SOAT1: variants seen among roughly 807,000 people sequenced by gnomAD.
SOAT1 encodes sterol O-acyltransferase 1.
In SOAT1, 55 loss-of-function variants were observed where a neutral mutation model predicts 69.5. The ratio of observed to expected loss-of-function variants is 0.79; its 90% CI spans 0.64 to 0.99. The LOEUF (loss-of-function observed/expected upper bound fraction) is 0.99, where lower values mean the gene tolerates loss of function less well. SOAT1 is among the 50% of genes least tolerant of loss of function. The pLI is 0.00. For missense variants in SOAT1, 580 were observed against 669.3 expected, an observed-to-expected ratio of 0.87 and a Z score of 1.47; for synonymous variants, 231 against 224.7, an observed-to-expected ratio of 1.03 and a Z score of -0.25.
At chr1:179,330,589 A>C (rs1173638727) in intron 3 of SOAT1, among the ~76,000 whole-genome samples, 8 of 152,180 alleles carry the variant, frequency 5.3e-5, no homozygotes, top group Non-Finnish European at 1.2e-4. Flanking sequence ...GACTATTTAC[A>C]TCAAAGTTGA....
chr1:179,307,658 G>GACCT (rs757647192), intron 2 of SOAT1, among the ~76,000 whole-genome samples: 4 of 152,124 alleles, frequency 2.6e-5, no homozygotes, highest in Non-Finnish European at 5.9e-5. Context: ...ATTGACTGAT[G>GACCT]ACCTACCTGT....
intron 1 of SOAT1, among the ~76,000 whole-genome samples, chr1:179,302,415 C>G (rs963160873): frequency 2.6e-5 from 4 of 152,094 alleles, no homozygotes; most frequent in African/African-American, 9.7e-5. Flanking sequence ...CCATGCTGTT[C>G]TCGTGATAGT....
rs75314642 is a variant in SOAT1, at chr1:179,324,703, G to T, written c.177+1208G>T. On this transcript the variant is annotated intron_variant, in intron 3 of 15. Coordinates refer to ENST00000367619, the MANE Select transcript of SOAT1 (RefSeq NM_003101.6). ...AGTGCTTTGTTTCTCCATCATAAGA[G>T]ATTGTTTAAGGATTTGTTATGCAAC... 5.3e-5 allele frequency among the ~76,000 whole-genome samples: 8 copies of T among 152,300 alleles called. No individual in the cohort carries two copies. In the East Asian group the frequency reaches 1.5e-3, roughly 29 times the overall value.
At chr1:179,339,090 A>G (rs1666248803) in intron 5 of SOAT1, among the ~76,000 whole-genome samples, 1 of 152,086 alleles carries the variant, frequency 6.6e-6, no homozygotes, top group African/African-American at 2.4e-5. Flanking sequence ...GGTTATCATC[A>G]TCATCATGAT....
chr1:179,346,152 A>C (rs1666526962), intron 11 of SOAT1, among the ~76,000 whole-genome samples: 1 of 151,994 alleles, frequency 6.6e-6, no homozygotes, highest in Admixed American at 6.6e-5. Flanking sequence ...CAGCCCCAGG[A>C]CTTATTTGAA....
rs556071177 is a variant in SOAT1 at position 179,313,742 on chromosome 1, G to T, written c.119-9695G>T. ...TGGGATTATAGGCATGCGCCACCAC[G>T]CCTGGCTAATTTTGTATTTTTAGTA... On this transcript the variant is annotated intron_variant, in intron 2 of 15. Coordinates refer to ENST00000367619, the MANE Select transcript of SOAT1 (RefSeq NM_003101.6). Among the ~76,000 whole-genome samples the T allele has an allele frequency of 2.6e-5, 4 of 152,100 alleles. No individual in the cohort carries two copies. The East Asian group carries it at 7.7e-4, about 29-fold the overall frequency.
At chr1:179,313,759 T>C (rs1665300895) in intron 2 of SOAT1, among the ~76,000 whole-genome samples, 2 of 152,158 alleles carry the variant, frequency 1.3e-5, no homozygotes, top group African/African-American at 4.8e-5. Context: ...TAATTTTGTA[T>C]TTTTAGTAGA....
intron 2 of SOAT1, among the ~76,000 whole-genome samples, chr1:179,322,807 T>C (rs1235297674): frequency 6.6e-6 from 1 of 152,116 alleles, no homozygotes; most frequent in Non-Finnish European, 1.5e-5. Flanking sequence ...GTTTCTTTCT[T>C]ATACACTGAG....
chr1:179,337,921 A>T, intron 5 of SOAT1, 25 bp downstream of exon 5: 1 of 1,525,974 alleles, frequency 6.6e-7, no homozygotes, highest in Non-Finnish European at 8.9e-7. Flanking sequence ...TTGTTTTTAA[A>T]TATGTTTGAT....
intron 15 of SOAT1, 123 bp from the exon 16 acceptor site, chr1:179,353,462 G>T (rs1001310299): frequency 4.4e-5 from 36 of 825,782 alleles, no homozygotes; most frequent in South Asian, 3.4e-4. Flanking sequence ...CTTGAGGGTT[G>T]TTGAAATGGT....
intron 2 of SOAT1, among the ~76,000 whole-genome samples, chr1:179,305,977 A>G (rs1168046600): frequency 6.6e-6 from 1 of 152,208 alleles, no homozygotes; most frequent in East Asian, 1.9e-4. Flanking sequence ...AGAATGGAGG[A>G]AAGTCTCACT....
At chr1:179,319,648 GCTCTGTAGCC>G (rs1376235573) in intron 2 of SOAT1, among the ~76,000 whole-genome samples, 5 of 151,922 alleles carry the variant, frequency 3.3e-5, no homozygotes, top group African/African-American at 1.2e-4. Flanking sequence ...AGACAGTCTT[GCTCTGTAGCC>G]CAGGTTGGAG....
At chr1:179,348,736 CAG>C (rs1329839850) in intron 12 of SOAT1, 106 bp from the exon 13 acceptor site, 11 of 676,862 alleles carry the variant, frequency 1.6e-5, no homozygotes, top group Non-Finnish European at 2.8e-5. Flanking sequence ...TTTGGGAAGT[CAG>C]GGGGGTTTGC....
Position 179,308,421 on chromosome 1 carries a change from C to T in SOAT1, c.118+5619C>T, listed in dbSNP as rs6701744. Among the ~76,000 whole-genome samples, 1,048 of 152,020 alleles carry T rather than the reference C, an allele frequency of 6.9e-3. 17 individuals are homozygous for T. Among genetic ancestry groups the T allele is most frequent in the African/African-American group, 0.024 (1,003 of 41,446 alleles). ...GCACGGTGGCTCACTCCTGTAATCC[C>T]AGCACTTTGGGAGGCCGAGGCAGGC... On this transcript the variant is annotated intron_variant, in intron 2 of 15. Transcript: ENST00000367619.
chr1:179,326,505 T>C (rs1423938675), intron 3 of SOAT1, among the ~76,000 whole-genome samples: 1 of 152,032 alleles, frequency 6.6e-6, no homozygotes, highest in Non-Finnish European at 1.5e-5. Context: ...TGCTGTCTAA[T>C]GAGATTGAAT....
rs753538892 is a variant in SOAT1 at position 179,354,709 on chromosome 1, T to A, written c.*1068T>A. On this transcript the variant is annotated 3_prime_UTR_variant, in exon 16 of 16. Transcript: ENST00000367619. Reference sequence around the variant, plus strand: ...CTTTTAATGGTAGTATGTTTTTAGGTGGAATAAATTAATATGTGATTGGTT... The same window carrying A: ...CTTTTAATGGTAGTATGTTTTTAGGAGGAATAAATTAATATGTGATTGGTT... 33 of 152,136 alleles carry A rather than the reference T, an allele frequency of 2.2e-4. No individual in the cohort carries two copies. Among genetic ancestry groups the A allele is most frequent in the Non-Finnish European group, 4.0e-4 (27 of 67,998 alleles). The allele number at this position is 152,136 out of a possible 1,614,324, so 9.4% of individuals were successfully genotyped here.
At chr1:179,295,511 A>C (rs1664601194) in intron 1 of SOAT1, among the ~76,000 whole-genome samples, 1 of 152,228 alleles carries the variant, frequency 6.6e-6, no homozygotes. Flanking sequence ...CTGGTCCAGC[A>C]CTTGGCCCAG....
chr1:179,344,347 TAAG>T (rs1666445912), intron 10 of SOAT1, among the ~76,000 whole-genome samples: 1 of 30,468 alleles, frequency 3.3e-5, no homozygotes, highest in African/African-American at 1.3e-4. Context: ...GTTCTTTCAT[TAAG>T]GGGTTTTTTT....
At chr1:179,317,660 G>A (rs923048209) in intron 2 of SOAT1, among the ~76,000 whole-genome samples, 1 of 139,802 alleles carries the variant, frequency 7.2e-6, no homozygotes, top group South Asian at 2.2e-4. Context: ...TTTTTTTAAC[G>A]AAGATAGCAA....
Sources: gnomAD v4.1 joint callset for allele counts (sites outside exome capture counted in the v4.1 genomes callset) on GRCh38, gnomAD v4.1.1 for gene constraint, MANE v1.5 for transcripts, NCBI Gene and HGNC (gene_info 2026-07-23, HGNC 2026-07-21) for gene names.